Variants in TECPR2 observed in about 807,000 individuals in gnomAD.
TECPR2 encodes the protein tectonin beta-propeller repeat containing 2.
TECPR2 carries 65 observed loss-of-function variants against 138.1 expected under a neutral mutation model. The observed-to-expected ratio is 0.47, with a 90% CI of 0.39 to 0.58. The LOEUF (loss-of-function observed/expected upper bound fraction) is 0.58, where lower values mean the gene tolerates loss of function less well. Among genes scored for constraint, TECPR2 ranks in the 20% least tolerant of loss-of-function variants. TECPR2 has a pLI of 0.00. For synonymous variants in TECPR2, 746 were observed against 749.8 expected (o/e 0.99, Z 0.08); for missense variants, 1,553 against 1,824.5 (o/e 0.85, Z 2.71).
intron 4 of TECPR2, among the ~76,000 whole-genome samples, chr14:102,409,075 G>A (rs1888744657): frequency 6.6e-6 from 1 of 152,188 alleles, no homozygotes; most frequent in African/African-American, 2.4e-5. Flanking sequence ...AGTGCCAAGA[G>A]ATCCAGGAAC....
chr14:102,439,258 A>C (rs1243764735), intron 10 of TECPR2, among the ~76,000 whole-genome samples: 2 of 152,272 alleles, frequency 1.3e-5, no homozygotes, highest in East Asian at 3.9e-4. Flanking sequence ...CTGTCAGGAC[A>C]TTGGAATAGA....
chr14:102,471,748 C>T (rs965595537), intron 17 of TECPR2, among the ~76,000 whole-genome samples: 4 of 152,124 alleles, frequency 2.6e-5, no homozygotes, highest in African/African-American at 4.8e-5. Context: ...AATCTTCTCT[C>T]ATTTTTTCTT....
At chr14:102,476,893 A>C (rs1213729816) in intron 17 of TECPR2, among the ~76,000 whole-genome samples, 1 of 151,984 alleles carries the variant, frequency 6.6e-6, no homozygotes, top group Non-Finnish European at 1.5e-5. Flanking sequence ...CGTCTGTACA[A>C]AAAATACAAA....
chr14:102,457,674 G>C (rs1404851089), intron 16 of TECPR2, among the ~76,000 whole-genome samples: 3 of 151,980 alleles, frequency 2.0e-5, no homozygotes, highest in Non-Finnish European at 4.4e-5. Context: ...TTGAGGCCAG[G>C]AATTTAAAAC....
Position 102,434,995 on chromosome 14 carries a change from T to A in TECPR2, c.2178T>A (p.Thr726=). 6.2e-7 allele frequency: 1 copy of A among 1,614,094 alleles called. No homozygotes were observed. Among genetic ancestry groups the A allele is most frequent in the Non-Finnish European group, 8.5e-7 (1 of 1,180,010 alleles). Residue 726 remains threonine (T), a synonymous_variant, in exon 9 of 20, where the codon ACT becomes ACA. Transcript: ENST00000359520. ...RVLGSVGGQL[T]PVSALAASTH... is the part of the protein sequence containing the mutation. The stretch of plus-strand genomic sequence containing the variant: ...TGGGGAGTGTGGGAGGACAGCTGAC[T>A]CCGGTCTCTGCCTTGGCAGCCAGCA...
chr14:102,452,714 C>T, intron 16 of TECPR2, 87 bp downstream of exon 16: 1 of 1,069,570 alleles, frequency 9.3e-7, no homozygotes, highest in Admixed American at 2.1e-5. Flanking sequence ...ACTGCCCGGC[C>T]TGTGTCCAAC....
At position 102,432,054 on chromosome 14, in the gene TECPR2, G is replaced by T; in HGVS notation, c.1343G>T (p.Ser448Ile). 1 of 1,612,424 alleles carries T rather than the reference G, an allele frequency of 6.2e-7. No individual in the cohort carries two copies. Among genetic ancestry groups the T allele is most frequent in the Non-Finnish European group, 8.5e-7 (1 of 1,179,590 alleles). The change falls in exon 8 of 20, where the codon AGC (serine) becomes ATC (isoleucine). Residue 448 changes from serine to isoleucine, a missense_variant. Physicochemically the swap from Ser to Ile is moderately radical, Grantham distance 142. Coordinates refer to ENST00000359520, the MANE Select transcript of TECPR2 (RefSeq NM_014844.5). ...QPLSQRFNAI[S>I]SEDFDQELVV... ...CTGTCACAGAGATTCAACGCCATCAGCTCAGAGGACTTTGACCAGGAGCTT... is the reference window on the plus strand; with the variant it reads ...CTGTCACAGAGATTCAACGCCATCATCTCAGAGGACTTTGACCAGGAGCTT...
intron 16 of TECPR2, among the ~76,000 whole-genome samples, chr14:102,458,550 G>A (rs1890329248): frequency 6.6e-6 from 1 of 151,966 alleles, no homozygotes; most frequent in African/African-American, 2.4e-5. Flanking sequence ...AGCCACTCCT[G>A]GCCTTTGTGT....
intron 17 of TECPR2, among the ~76,000 whole-genome samples, chr14:102,492,765 G>A (rs544552971): frequency 1.3e-5 from 2 of 152,362 alleles, no homozygotes; most frequent in East Asian, 1.9e-4. Context: ...GTGAGGGGGC[G>A]TGTGTGTCCG....
chr14:102,493,852 G>T (rs1419778272), intron 17 of TECPR2, among the ~76,000 whole-genome samples: 1 of 152,230 alleles, frequency 6.6e-6, no homozygotes, highest in East Asian at 1.9e-4. Context: ...AGTGGCTCGG[G>T]CTTCCAATGC....
intron 17 of TECPR2, among the ~76,000 whole-genome samples, chr14:102,467,574 C>T (rs1042038789): frequency 6.6e-6 from 1 of 151,960 alleles, no homozygotes; most frequent in Non-Finnish European, 1.5e-5. Flanking sequence ...ATCCACCCTC[C>T]CCCGGCCTCC....
chr14:102,437,397 A>G (rs1434472894), intron 9 of TECPR2, among the ~76,000 whole-genome samples: 1 of 152,096 alleles, frequency 6.6e-6, no homozygotes, highest in African/African-American at 2.4e-5. Flanking sequence ...AAATACAAAA[A>G]ATAGCCGGGT....
In TECPR2 at chr14:102,499,030, TCACCACACCA is replaced by T. The variant is rs10531276; in HGVS notation, c.*788_*797del. 4 of 699,100 alleles carry T rather than the reference TCACCACACCA, an allele frequency of 5.7e-6. No individual in the cohort carries two copies. Among genetic ancestry groups the T allele is most frequent in the Non-Finnish European group, 1.0e-5 (4 of 383,472 alleles). 43.3% of individuals were successfully genotyped at this position (699,100 alleles called of 1,614,324 possible). A position where few individuals can be genotyped will look rare whatever the true frequency, so the allele number is the denominator to read the frequency against. ...GCACCGCACCGTACCTCGCCACATC[TCACCACACCA>T]CACCACACCACACCTCACTGCCCAC... On this transcript the variant is annotated 3_prime_UTR_variant, in exon 20 of 20. Coordinates refer to ENST00000359520, the MANE Select transcript of TECPR2 (RefSeq NM_014844.5).
In TECPR2 at chr14:102,501,611, T is replaced by C. The variant is rs1891436876; in HGVS notation, c.*3354T>C. 1 of 152,028 alleles carries C rather than the reference T, an allele frequency of 6.6e-6. No individual in the cohort carries two copies. Among genetic ancestry groups the C allele is most frequent in the South Asian group, 2.1e-4 (1 of 4,818 alleles). 9.4% of individuals were successfully genotyped at this position (152,028 alleles called of 1,614,324 possible). The stretch of plus-strand genomic sequence containing the variant: ...AATTAAAAACCTCAAAGAAGGGAAA[T>C]AATTGCAACAAATGGGAATTGATGT... On this transcript the variant is annotated 3_prime_UTR_variant, in exon 20 of 20. Coordinates refer to ENST00000359520, the MANE Select transcript of TECPR2 (RefSeq NM_014844.5).
chr14:102,442,970 C>T (rs1414996684), intron 11 of TECPR2, among the ~76,000 whole-genome samples: 1 of 152,260 alleles, frequency 6.6e-6, no homozygotes, highest in Non-Finnish European at 1.5e-5. Flanking sequence ...TTTGGCCTGC[C>T]ACTGCCTTGC....
chr14:102,491,264 A>G (rs1891154385), intron 17 of TECPR2, among the ~76,000 whole-genome samples: 1 of 152,132 alleles, frequency 6.6e-6, no homozygotes, highest in Non-Finnish European at 1.5e-5. Context: ...TGCCCAAGCT[A>G]GAGTGCAATG....
intron 6 of TECPR2, 107 bp from the exon 7 acceptor site, chr14:102,428,143 T>G: frequency 7.3e-7 from 1 of 1,360,926 alleles, no homozygotes; most frequent in South Asian, 1.6e-5. Context: ...AAAGTGCAGT[T>G]ATCATTTGAC....
rs574830641 is a variant in TECPR2 at position 102,363,145 on chromosome 14, C to T, written c.-73+29C>T. 4.5e-4 allele frequency: 151 copies of T among 338,104 alleles called. 1 individual carries two copies. The highest frequency in any genetic ancestry group is 3.3e-3 in the African/African-American group (142 of 43,070). 20.9% of individuals were successfully genotyped at this position (338,104 alleles called of 1,614,324 possible). ...AGTCCGGCGACGCCGCAAGCGGCCCCGACGCCCCCGACGCCCCCGACGCCT... is the reference window on the plus strand; with the variant it reads ...AGTCCGGCGACGCCGCAAGCGGCCCTGACGCCCCCGACGCCCCCGACGCCT... On this transcript the variant is annotated intron_variant, in intron 1 of 19. Coordinates refer to ENST00000359520, the MANE Select transcript of TECPR2 (RefSeq NM_014844.5).
At chr14:102,421,255 T>G (rs1437459317) in intron 5 of TECPR2, among the ~76,000 whole-genome samples, 1 of 152,172 alleles carries the variant, frequency 6.6e-6, no homozygotes, top group Non-Finnish European at 1.5e-5. Context: ...GGAATTCCTC[T>G]GGTTCGCTCT....
Sources: allele counts gnomAD v4.1 joint callset (sites outside exome capture counted in the v4.1 genomes callset), GRCh38; gene constraint gnomAD v4.1.1; transcripts MANE v1.5; gene names NCBI Gene and HGNC (gene_info 2026-07-23, HGNC 2026-07-21).